Variants in OSBP2 observed in about 807,000 individuals in gnomAD.
OSBP2 encodes oxysterol-binding protein 2.
Under a neutral mutation model 96.0 loss-of-function variants are expected in OSBP2, and 66 were observed. That is an observed-to-expected ratio of 0.69 (90% CI 0.56 to 0.84). The LOEUF (loss-of-function observed/expected upper bound fraction) is 0.84. OSBP2 is among the 40% of genes least tolerant of loss of function. OSBP2 has a pLI of 0.00. For synonymous variants in OSBP2, 525 were observed against 520.9 expected (o/e 1.01, Z -0.11); for missense variants, 1,038 against 1,222.7 (o/e 0.85, Z 2.25).
At chr22:30,715,564 T>C (rs1233225717) in intron 1 of OSBP2, among the ~76,000 whole-genome samples, 5 of 151,140 alleles carry the variant, frequency 3.3e-5, no homozygotes, top group Non-Finnish European at 5.9e-5. Context: ...TTTTTTTTTT[T>C]TTTTGAGGTG....
In OSBP2 at chr22:30,730,762, CTCTCT is replaced by C. The variant is rs1231387400; in HGVS notation, c.645-10398_645-10394del. Among the ~76,000 whole-genome samples the C allele has an allele frequency of 2.0e-4, 8 of 39,500 alleles. 1 individual carries two copies. The highest frequency in any genetic ancestry group is 3.3e-4 in the Non-Finnish European group (7 of 21,066). 25.9% of individuals were successfully genotyped at this position (39,500 alleles called of 152,430 possible). A position where few individuals can be genotyped will look rare whatever the true frequency, so the allele number is the denominator to read the frequency against. On this transcript the variant is annotated intron_variant, in intron 1 of 13. Transcript: ENST00000332585. ...TCTCTCTCTCTCTCTCTCTCTCTCT[CTCTCT>C]CTCTCTCTATATATATATATATATA...
intron 2 of OSBP2, among the ~76,000 whole-genome samples, chr22:30,832,636 T>G (rs945861925): frequency 6.6e-6 from 1 of 152,196 alleles, no homozygotes; most frequent in Non-Finnish European, 1.5e-5. Context: ...GGAATCATTG[T>G]TTGGACTCAT....
chr22:30,725,186 A>AC lies in OSBP2; in HGVS notation c.645-15975_645-15974insC, dbSNP rs1458044886. ...GCAAGACTCTGTCTCAAAAACAAAA[A>AC]AACAAAAAAACAAAAAAAAAACAAA... On this transcript the variant is annotated intron_variant, in intron 1 of 13. Coordinates refer to ENST00000332585, the MANE Select transcript of OSBP2 (RefSeq NM_030758.4). 5.2e-4 allele frequency among the ~76,000 whole-genome samples: 49 copies of AC among 94,964 alleles called. No homozygotes were observed. In the East Asian group the frequency reaches 5.6e-3, roughly 11 times the overall value. The allele number at this position is 94,964 out of a possible 152,430, so 62.3% of individuals were successfully genotyped here.
chr22:30,778,169 CCTTTT>C (rs374586691), intron 2 of OSBP2, among the ~76,000 whole-genome samples: 6,756 of 124,144 alleles, frequency 0.054, 1,030 homozygotes, highest in African/African-American at 0.19. Context: ...TAATTTTTGC[CCTTTT>C]TTTTTTTTTT....
chr22:30,852,623 GTTT>G (rs2038997315), intron 2 of OSBP2, among the ~76,000 whole-genome samples: 1 of 151,504 alleles, frequency 6.6e-6, no homozygotes, highest in Non-Finnish European at 1.5e-5. Context: ...TCTAAATTCT[GTTT>G]TTATTTTGTT....
chr22:30,788,678 T>G (rs2050934047), intron 2 of OSBP2, among the ~76,000 whole-genome samples: 1 of 152,184 alleles, frequency 6.6e-6, no homozygotes. Context: ...CATGTTGACT[T>G]TTAAGTCAGG....
Position 30,847,778 on chromosome 22 carries a change from A to G in OSBP2, c.854-22651A>G, listed in dbSNP as rs1379540462. Among the ~76,000 whole-genome samples the G allele has an allele frequency of 3.3e-5, 5 of 152,288 alleles. No individual in the cohort carries two copies. In the East Asian group the frequency reaches 9.7e-4, roughly 29 times the overall value. ...CAAGTTTGTGAGCAAAAAGTTGCTC[A>G]TGATATTTCCTTGTTGTTCTTTGTC... On this transcript the variant is annotated intron_variant, in intron 2 of 13. Transcript: ENST00000332585.
chr22:30,889,146 T>C (rs2147154007), intron 5 of OSBP2, 31 bp from the exon 6 acceptor site: 1 of 1,605,334 alleles, frequency 6.2e-7, no homozygotes, highest in East Asian at 2.2e-5. Flanking sequence ...CGGGATTCAT[T>C]AGTAACTTGC....
intron 2 of OSBP2, among the ~76,000 whole-genome samples, chr22:30,867,620 C>G (rs182330305): frequency 2.0e-5 from 3 of 152,208 alleles, no homozygotes; most frequent in Non-Finnish European, 4.4e-5. Flanking sequence ...TCATCCTGCC[C>G]CAACAACACG....
chr22:30,727,890 A>G (rs933528646), intron 1 of OSBP2, among the ~76,000 whole-genome samples: 6 of 151,658 alleles, frequency 4.0e-5, no homozygotes, highest in African/African-American at 1.5e-4. Flanking sequence ...GTGGATCACA[A>G]GGTCAAGAGA....
intron 1 of OSBP2, among the ~76,000 whole-genome samples, chr22:30,725,568 A>C (rs548927430): frequency 1.5e-4 from 23 of 152,018 alleles, no homozygotes; most frequent in Admixed American, 6.6e-4. Context: ...ACACAAAAAA[A>C]ACAAATTCTA....
intron 1 of OSBP2, among the ~76,000 whole-genome samples, chr22:30,709,103 A>AAAT (rs949815190): frequency 1.8e-4 from 28 of 152,060 alleles, no homozygotes; most frequent in Admixed American, 2.0e-4. Context: ...TCCATCTCAA[A>AAAT]AATAATAATA....
chr22:30,740,905 C>T (rs528248310), intron 1 of OSBP2, among the ~76,000 whole-genome samples: 1 of 152,348 alleles, frequency 6.6e-6, no homozygotes, highest in African/African-American at 2.4e-5. Context: ...CCACACCAGA[C>T]ACTCCCTGCA....
intron 3 of OSBP2, among the ~76,000 whole-genome samples, chr22:30,883,555 AG>A (rs959592148): frequency 2.6e-5 from 4 of 152,222 alleles, no homozygotes; most frequent in Admixed American, 2.6e-4. Flanking sequence ...GGCCAAGCTT[AG>A]GGCAATGTGG....
chr22:30,864,424 T>C (rs774690877), intron 2 of OSBP2, among the ~76,000 whole-genome samples: 2 of 152,104 alleles, frequency 1.3e-5, no homozygotes, highest in Non-Finnish European at 2.9e-5. Context: ...AATCCCGCAA[T>C]GCGTGTGTGC....
chr22:30,802,570 G>C (rs188706728), intron 2 of OSBP2, among the ~76,000 whole-genome samples: 261 of 152,334 alleles, frequency 1.7e-3, no homozygotes, highest in African/African-American at 6.0e-3. Flanking sequence ...TCCAGGCCAC[G>C]CTCGGGCATT....
chr22:30,720,026 A>G (rs896241927), intron 1 of OSBP2, among the ~76,000 whole-genome samples: 2 of 152,174 alleles, frequency 1.3e-5, no homozygotes, highest in African/African-American at 4.8e-5. Context: ...ACAACTCTGA[A>G]TGTTAGAAAA....
chr22:30,898,565 C>T (rs1389746959), intron 12 of OSBP2, among the ~76,000 whole-genome samples: 2 of 152,094 alleles, frequency 1.3e-5, no homozygotes, highest in Non-Finnish European at 2.9e-5. Context: ...ACCTTCTTCA[C>T]AAGGCAGCAG....
chr22:30,859,797 A>G (rs2039171942), intron 2 of OSBP2, among the ~76,000 whole-genome samples: 8 of 152,234 alleles, frequency 5.3e-5, no homozygotes, highest in Admixed American at 4.6e-4. Flanking sequence ...CTAGACTTCA[A>G]TGTGGAACAA....
Sources: gnomAD v4.1 joint callset for allele counts (sites outside exome capture counted in the v4.1 genomes callset) on GRCh38, gnomAD v4.1.1 for gene constraint, MANE v1.5 for transcripts, NCBI Gene and HGNC (gene_info 2026-07-23, HGNC 2026-07-21) for gene names.